The following KIAA1217 variants were observed in gnomAD, a reference collection of about 807,000 sequenced individuals.
KIAA1217 encodes KIAA1217.
KIAA1217 carries 88 observed loss-of-function variants against 163.9 expected under a neutral mutation model. The observed-to-expected ratio is 0.54, with a 90% confidence interval of 0.45 to 0.64. The LOEUF is 0.64. Among genes scored for constraint, KIAA1217 ranks in the 30% least tolerant of loss-of-function variants. KIAA1217 has a pLI of 0.00. For missense variants in KIAA1217, 2,372 were observed against 2,475.0 expected, an observed-to-expected ratio of 0.96 and a Z score of 0.88; for synonymous variants, 903 against 923.1, an observed-to-expected ratio of 0.98 and a Z score of 0.39.
At chr10:24,078,351 T>C (rs2061432675) in intron 2 of KIAA1217, among the ~76,000 whole-genome samples, 2 of 152,190 alleles carry the variant, frequency 1.3e-5, no homozygotes, top group South Asian at 4.2e-4. Context: ...GGAAGTCAGG[T>C]ACCTGGAGAA....
chr10:24,259,797 T>C (rs2075548711), intron 2 of KIAA1217, among the ~76,000 whole-genome samples: 1 of 152,128 alleles, frequency 6.6e-6, no homozygotes, highest in Non-Finnish European at 1.5e-5. Flanking sequence ...CTCTCAGTCC[T>C]TCTCTACCAC....
intron 9 of KIAA1217, among the ~76,000 whole-genome samples, chr10:24,512,035 G>A (rs952069429): frequency 3.3e-5 from 5 of 152,182 alleles, no homozygotes; most frequent in African/African-American, 7.2e-5. Flanking sequence ...ACTGGAAATC[G>A]AACCCAGGCA....
intron 1 of KIAA1217, among the ~76,000 whole-genome samples, chr10:23,790,803 G>A (rs1156250632): frequency 6.6e-6 from 1 of 151,680 alleles, no homozygotes; most frequent in Non-Finnish European, 1.5e-5. Flanking sequence ...GCATGATCTT[G>A]ATGCATTGCA....
intron 2 of KIAA1217, among the ~76,000 whole-genome samples, chr10:24,376,051 T>C (rs1205486819): frequency 2.0e-5 from 3 of 152,232 alleles, no homozygotes; most frequent in Non-Finnish European, 4.4e-5. Context: ...CTGATCTCCC[T>C]CGCAGAACAG....
At chr10:24,039,788 A>G (rs1482073170) in intron 2 of KIAA1217, among the ~76,000 whole-genome samples, 2 of 133,654 alleles carry the variant, frequency 1.5e-5, no homozygotes, top group Non-Finnish European at 3.1e-5. Context: ...TTGGCATGAT[A>G]TAGATATAGA....
intron 3 of KIAA1217, among the ~76,000 whole-genome samples, chr10:24,404,667 T>C (rs1187652268): frequency 6.6e-6 from 1 of 151,946 alleles, no homozygotes; most frequent in Non-Finnish European, 1.5e-5. Context: ...AAAACTGTTT[T>C]CACCCAGAAA....
In KIAA1217 at chr10:24,101,824, T is replaced by C. The variant is rs117833072; in HGVS notation, c.-171+94450T>C. Among the ~76,000 whole-genome samples, 261 of 152,340 alleles carry C rather than the reference T, an allele frequency of 1.7e-3. 3 individuals are homozygous for C. In the East Asian group the frequency reaches 0.032, roughly 18 times the overall value. ...TTTTGCTTTTTATACTTTTAAATTG[T>C]CTGAACAGTAGTTTATTTATCTTGG... On this transcript the variant is annotated intron_variant, in intron 2 of 18. Coordinates refer to the KIAA1217 transcript ENST00000376462.
chr10:24,173,040 A>C (rs539317200), intron 2 of KIAA1217, among the ~76,000 whole-genome samples: 18 of 152,232 alleles, frequency 1.2e-4, no homozygotes, highest in African/African-American at 4.3e-4. Context: ...CAGGCTGCAC[A>C]GCAGGGGTGA....
chr10:24,153,112 C>T (rs551122386), intron 2 of KIAA1217, among the ~76,000 whole-genome samples: 1 of 152,304 alleles, frequency 6.6e-6, no homozygotes, highest in South Asian at 2.1e-4. Flanking sequence ...CATCACAGGA[C>T]TTCACTCCTT....
rs10685806 is a variant in KIAA1217, at chr10:23,858,435, G to GTA, written c.-320-148777_-320-148776dup. On this transcript the variant is annotated intron_variant, in intron 1 of 18. Coordinates refer to the KIAA1217 transcript ENST00000376462. ...CACCACAACAGCATATATATATGCT[G>GTA]TATATATATATATACACACAAACAT... Among the ~76,000 whole-genome samples, 505 of 150,002 alleles carry GTA rather than the reference G, an allele frequency of 3.4e-3. 11 individuals are homozygous for GTA. In the East Asian group the frequency reaches 0.043, roughly 13 times the overall value.
At chr10:23,913,434 G>C (rs945125479) in intron 1 of KIAA1217, among the ~76,000 whole-genome samples, 1 of 151,218 alleles carries the variant, frequency 6.6e-6, no homozygotes, top group Admixed American at 6.6e-5. Flanking sequence ...AAAAGTAAAA[G>C]ATGCTCTCCT....
chr10:24,157,839 C>A, intron 2 of KIAA1217: 1 of 515,912 alleles, frequency 1.9e-6, no homozygotes, highest in African/African-American at 1.9e-5. Flanking sequence ...GATGCAATGG[C>A]AGCCTTTGCC....
intron 1 of KIAA1217, among the ~76,000 whole-genome samples, chr10:23,989,345 A>G (rs563938446): frequency 6.6e-6 from 1 of 152,360 alleles, no homozygotes; most frequent in South Asian, 2.1e-4. Flanking sequence ...AAAGAAATGG[A>G]GACCCCAACA....
intron 3 of KIAA1217, among the ~76,000 whole-genome samples, chr10:24,421,290 A>G (rs1279926210): frequency 6.6e-6 from 1 of 152,120 alleles, no homozygotes. Context: ...ACAGACGTGA[A>G]CCATCATGCC....
intron 5 of KIAA1217, among the ~76,000 whole-genome samples, chr10:24,469,219 A>G (rs1489406027): frequency 3.3e-5 from 5 of 151,528 alleles, no homozygotes; most frequent in Admixed American, 6.6e-5. Context: ...TCCGCCTCCC[A>G]GGCTCAAGCA....
At chr10:24,436,995 T>A (rs2060097458) in intron 4 of KIAA1217, among the ~76,000 whole-genome samples, 2 of 152,156 alleles carry the variant, frequency 1.3e-5, no homozygotes, top group Non-Finnish European at 2.9e-5. Flanking sequence ...GTGTTGTAAA[T>A]GTTGCCACAG....
chr10:24,412,744 G>A (rs774851289), intron 3 of KIAA1217, among the ~76,000 whole-genome samples: 27 of 152,080 alleles, frequency 1.8e-4, no homozygotes, highest in Non-Finnish European at 3.4e-4. Flanking sequence ...TCATGCCATC[G>A]GTGTGAATGG....
At chr10:24,361,025 T>C (rs2049916292) in intron 2 of KIAA1217, among the ~76,000 whole-genome samples, 1 of 151,926 alleles carries the variant, frequency 6.6e-6, no homozygotes, top group Non-Finnish European at 1.5e-5. Context: ...ATGTTAGAAA[T>C]AATAGACTAA....
intron 2 of KIAA1217, among the ~76,000 whole-genome samples, chr10:24,246,482 G>A (rs762309188): frequency 6.6e-6 from 1 of 152,128 alleles, no homozygotes; most frequent in African/African-American, 2.4e-5. Context: ...TTATTCTGTC[G>A]ATATGAATGT....
Sources: allele counts gnomAD v4.1 joint callset (sites outside exome capture counted in the v4.1 genomes callset), GRCh38; gene constraint gnomAD v4.1.1; transcripts MANE v1.5; gene names NCBI Gene and HGNC (gene_info 2026-07-23, HGNC 2026-07-21).